The following CDH9 variants were observed in gnomAD, a reference collection of about 807,000 sequenced individuals.
CDH9 encodes cadherin-9.
CDH9 carries 28 observed loss-of-function variants against 70.9 expected under a neutral mutation model. That is an observed-to-expected ratio of 0.40 (90% CI 0.29 to 0.54). The LOEUF is 0.54. Among genes scored for constraint, CDH9 ranks in the 20% least tolerant of loss-of-function variants. The probability of loss-of-function intolerance (pLI) is 0.59; values close to 1 mark genes in which losing one functional copy is unlikely to be tolerated. For missense variants in CDH9, 874 were observed against 984.4 expected (o/e 0.89, Z 1.50); for synonymous variants, 409 against 343.1 (o/e 1.19, Z -2.12).
intron 2 of CDH9, among the ~76,000 whole-genome samples, chr5:26,916,450 T>C (rs1213652912): frequency 6.6e-6 from 1 of 151,960 alleles, no homozygotes; most frequent in East Asian, 1.9e-4. Context: ...TCCCTGAAAC[T>C]GTGGAGTGTA....
intron 1 of CDH9, among the ~76,000 whole-genome samples, chr5:27,013,764 T>G (rs1743001254): frequency 6.6e-6 from 1 of 152,054 alleles, no homozygotes; most frequent in Non-Finnish European, 1.5e-5. Flanking sequence ...CTTACCATTT[T>G]AACTGTAGTT....
At chr5:26,951,098 C>T (rs1324796552) in intron 2 of CDH9, among the ~76,000 whole-genome samples, 2 of 151,770 alleles carry the variant, frequency 1.3e-5, no homozygotes, top group Non-Finnish European at 2.9e-5. Context: ...TCGAGGCAAG[C>T]CTGACCAACA....
At chr5:26,949,309 T>C (rs1741805955) in intron 2 of CDH9, among the ~76,000 whole-genome samples, 1 of 152,182 alleles carries the variant, frequency 6.6e-6, no homozygotes, top group African/African-American at 2.4e-5. Context: ...AAGGTGGCCC[T>C]TATTACCAGA....
chr5:26,938,118 T>C (rs1741592778), intron 2 of CDH9, among the ~76,000 whole-genome samples: 1 of 151,946 alleles, frequency 6.6e-6, no homozygotes, highest in Admixed American at 6.6e-5. Flanking sequence ...TATTTCCTGC[T>C]TAATTTTTCT....
chr5:27,014,248 G>C (rs957710148), intron 1 of CDH9, among the ~76,000 whole-genome samples: 1 of 151,952 alleles, frequency 6.6e-6, no homozygotes, highest in Non-Finnish European at 1.5e-5. Context: ...GATAGATCAA[G>C]CTTTTTGAAG....
chr5:26,996,696 ATATT>A (rs899382299), intron 1 of CDH9, among the ~76,000 whole-genome samples: 6 of 151,662 alleles, frequency 4.0e-5, no homozygotes, highest in African/African-American at 1.2e-4. Flanking sequence ...AAATATATAC[ATATT>A]TAATCACTAG....
intron 2 of CDH9, among the ~76,000 whole-genome samples, chr5:26,939,731 A>G (rs1741625589): frequency 1.3e-5 from 2 of 152,190 alleles, no homozygotes; most frequent in Admixed American, 6.5e-5. Flanking sequence ...ATTTATGAAG[A>G]TGTTTATCCT....
At chr5:26,890,372 T>C in intron 8 of CDH9, 56 bp downstream of exon 8, 1 of 1,498,048 alleles carries the variant, frequency 6.7e-7, no homozygotes, top group South Asian at 1.1e-5. Context: ...CTGGTGCTAT[T>C]ATTTTACCAC....
chr5:26,988,094 A>G lies in CDH9; in HGVS notation c.228+12T>C. On this transcript the variant is annotated intron_variant, in intron 2 of 11. Coordinates refer to ENST00000231021, the MANE Select transcript of CDH9 (RefSeq NM_016279.4). ...CTTTCAGCTTTTAGATTTCTCATAC[A>G]AAAATTCTTACCTTGCCTACATATT... is the stretch of plus-strand genomic sequence containing the variant. 1 of 1,580,938 alleles carries G rather than the reference A, an allele frequency of 6.3e-7. No homozygotes were observed.
intron 3 of CDH9, among the ~76,000 whole-genome samples, chr5:26,911,311 T>C (rs1178479647): frequency 6.6e-6 from 1 of 152,170 alleles, no homozygotes; most frequent in African/African-American, 2.4e-5. Context: ...TAAATATATT[T>C]GGTCAAGAAT....
intron 2 of CDH9, among the ~76,000 whole-genome samples, chr5:26,942,702 T>C (rs1741684586): frequency 6.6e-6 from 1 of 152,210 alleles, no homozygotes; most frequent in Admixed American, 6.5e-5. Flanking sequence ...AGTCATTTTG[T>C]TTATACTGTT....
chr5:26,894,175 A>T (rs1166486914), intron 7 of CDH9, among the ~76,000 whole-genome samples: 1 of 152,138 alleles, frequency 6.6e-6, no homozygotes, highest in East Asian at 1.9e-4. Context: ...AAAGGTCAAT[A>T]GTTAACCATT....
chr5:27,021,502 T>A (rs1381234027), intron 1 of CDH9, among the ~76,000 whole-genome samples: 1 of 151,930 alleles, frequency 6.6e-6, no homozygotes, highest in East Asian at 1.9e-4. Flanking sequence ...TTTATTTCCC[T>A]ACACTTATAC....
intron 2 of CDH9, among the ~76,000 whole-genome samples, chr5:26,958,839 A>T (rs1443887861): frequency 1.3e-5 from 2 of 152,142 alleles, no homozygotes; most frequent in Non-Finnish European, 2.9e-5. Flanking sequence ...GATATAAATA[A>T]AATGATGGCA....
intron 2 of CDH9, among the ~76,000 whole-genome samples, chr5:26,944,952 T>TA (rs1259348311): frequency 2.5e-5 from 2 of 81,076 alleles, no homozygotes; most frequent in East Asian, 1.1e-3. Flanking sequence ...TATACACTAT[T>TA]AGTAGAACTC....
At chr5:26,963,746 T>A (rs1176736081) in intron 2 of CDH9, among the ~76,000 whole-genome samples, 2 of 152,104 alleles carry the variant, frequency 1.3e-5, no homozygotes. Context: ...AAAAAAAAGA[T>A]ACATCATTTC....
chr5:26,886,762 A>G (rs1200413246), intron 9 of CDH9, among the ~76,000 whole-genome samples: 1 of 152,170 alleles, frequency 6.6e-6, no homozygotes, highest in African/African-American at 2.4e-5. Flanking sequence ...TGGCTGAGCT[A>G]GTGTAAGTAA....
At chr5:26,918,997 T>G (rs565819609) in intron 2 of CDH9, among the ~76,000 whole-genome samples, 9 of 152,260 alleles carry the variant, frequency 5.9e-5, no homozygotes, top group African/African-American at 2.2e-4. Flanking sequence ...AATGGATTTG[T>G]GGAAGAGGAG....
intron 2 of CDH9, among the ~76,000 whole-genome samples, chr5:26,986,177 G>A (rs1179033847): frequency 1.3e-5 from 2 of 151,932 alleles, no homozygotes; most frequent in East Asian, 1.9e-4. Context: ...TAGTTGACAG[G>A]TGGTTTTGGT....
Sources: gnomAD v4.1 joint callset for allele counts (sites outside exome capture counted in the v4.1 genomes callset) on GRCh38, gnomAD v4.1.1 for gene constraint, MANE v1.5 for transcripts, NCBI Gene and HGNC (gene_info 2026-07-23, HGNC 2026-07-21) for gene names.